Variants in SOX6 observed in about 807,000 individuals in gnomAD.
SOX6 encodes the protein SRY-box transcription factor 6.
SOX6 carries 11 observed loss-of-function variants against 97.8 expected under a neutral mutation model. The observed-to-expected ratio is 0.11, with a 90% CI of 0.07 to 0.19. The LOEUF is 0.19. Ranked by LOEUF, SOX6 falls within the 10% of genes least tolerant of loss-of-function variation. The pLI is 1.00. For synonymous variants in SOX6, 360 were observed against 371.4 expected, an observed-to-expected ratio of 0.97 and a Z score of 0.35; for missense variants, 810 against 1,039.5, an observed-to-expected ratio of 0.78 and a Z score of 3.04.
intron 4 of SOX6, among the ~76,000 whole-genome samples, chr11:16,560,782 TAAGA>T (rs1847806809): frequency 6.6e-6 from 1 of 152,054 alleles, no homozygotes; most frequent in Admixed American, 6.6e-5. Context: ...GGAAGGAAGG[TAAGA>T]AAGAAGGAAG....
chr11:15,977,053 C>T (rs767435455), intron 15 of SOX6, among the ~76,000 whole-genome samples: 4 of 152,068 alleles, frequency 2.6e-5, no homozygotes, highest in African/African-American at 9.7e-5. Context: ...TCCTAAAAAT[C>T]TCATCTTTGA....
intron 1 of SOX6, among the ~76,000 whole-genome samples, chr11:16,440,493 T>C (rs1859483387): frequency 2.0e-5 from 3 of 152,158 alleles, no homozygotes. Flanking sequence ...ACTATCTTCA[T>C]TTCATTTTAT....
intron 7 of SOX6, among the ~76,000 whole-genome samples, chr11:16,103,823 G>C (rs971551057): frequency 1.3e-5 from 2 of 151,612 alleles, no homozygotes; most frequent in African/African-American, 4.8e-5. Flanking sequence ...GTTCAGCTAT[G>C]AGGAATGCAA....
chr11:16,362,321 A>G (rs1857229670), intron 1 of SOX6, among the ~76,000 whole-genome samples: 1 of 152,180 alleles, frequency 6.6e-6, no homozygotes, highest in Non-Finnish European at 1.5e-5. Context: ...ACTAAGGGAT[A>G]CAAGCAATAA....
intron 13 of SOX6, among the ~76,000 whole-genome samples, chr11:16,004,225 T>C (rs1477779068): frequency 6.6e-6 from 1 of 151,940 alleles, no homozygotes; most frequent in East Asian, 1.9e-4. Context: ...GAGGAAACTT[T>C]CAGGTTTAGA....
At chr11:16,045,493 A>G (rs1315245748) in intron 12 of SOX6, among the ~76,000 whole-genome samples, 2 of 152,182 alleles carry the variant, frequency 1.3e-5, no homozygotes, top group African/African-American at 4.8e-5. Context: ...GATCATGTCA[A>G]TGTCCTGGAC....
chr11:16,323,806 T>C (rs571551853), intron 2 of SOX6, among the ~76,000 whole-genome samples: 21 of 152,140 alleles, frequency 1.4e-4, no homozygotes, highest in Non-Finnish European at 2.5e-4. Context: ...GACTTCATGC[T>C]TCTTCCATAG....
intron 3 of SOX6, among the ~76,000 whole-genome samples, chr11:16,644,413 G>T (rs1208189761): frequency 1.3e-5 from 2 of 152,148 alleles, no homozygotes; most frequent in Non-Finnish European, 2.9e-5. Context: ...TGAAAATTTA[G>T]TCTTTGGTGA....
chr11:16,304,985 G>A (rs750657434), intron 3 of SOX6, among the ~76,000 whole-genome samples: 44 of 151,672 alleles, frequency 2.9e-4, no homozygotes, highest in South Asian at 1.0e-3. Flanking sequence ...AAAAAAAGGA[G>A]AAAATATTTA....
intron 6 of SOX6, among the ~76,000 whole-genome samples, chr11:16,180,313 C>T (rs1039771890): frequency 5.9e-5 from 9 of 151,582 alleles, no homozygotes; most frequent in African/African-American, 2.2e-4. Flanking sequence ...AGCTAAGATA[C>T]TACAGTTCAA....
At chr11:16,020,060 C>A (rs1444266523) in intron 12 of SOX6, among the ~76,000 whole-genome samples, 6 of 152,218 alleles carry the variant, frequency 3.9e-5, no homozygotes, top group African/African-American at 1.4e-4. Context: ...CAGGAAAACT[C>A]TTTCCTAAAC....
intron 3 of SOX6, among the ~76,000 whole-genome samples, chr11:16,291,229 TTA>T (rs10529279): frequency 6.7e-4 from 96 of 143,442 alleles, no homozygotes; most frequent in African/African-American, 2.5e-3. Flanking sequence ...TTCTATAAAT[TTA>T]TATATATATA....
At chr11:16,446,620 A>G (rs1002280578) in intron 1 of SOX6, among the ~76,000 whole-genome samples, 4 of 152,102 alleles carry the variant, frequency 2.6e-5, no homozygotes, top group Non-Finnish European at 5.9e-5. Context: ...CTTCAAAACC[A>G]GGCGTGATGG....
At chr11:16,345,002 T>C (rs1454983598) in intron 1 of SOX6, among the ~76,000 whole-genome samples, 1 of 152,016 alleles carries the variant, frequency 6.6e-6, no homozygotes, top group African/African-American at 2.4e-5. Flanking sequence ...CCAGCCAAAC[T>C]GCTGAAGCAT....
At chr11:16,183,767 G>T in intron 6 of SOX6, 119 bp downstream of exon 6, 1 of 834,916 alleles carries the variant, frequency 1.2e-6, no homozygotes, top group Non-Finnish European at 2.0e-6. Flanking sequence ...CAACATCCTT[G>T]AAAACAGCCT....
At chr11:16,528,036 A>T (rs905255596) in intron 4 of SOX6, among the ~76,000 whole-genome samples, 8 of 152,106 alleles carry the variant, frequency 5.3e-5, no homozygotes, top group Non-Finnish European at 1.2e-4. Flanking sequence ...TCTCTGCTCA[A>T]GGCTGTGAGT....
At chr11:16,493,494 G>A (rs188687763) in intron 4 of SOX6, among the ~76,000 whole-genome samples, 2 of 152,112 alleles carry the variant, frequency 1.3e-5, no homozygotes, top group Admixed American at 6.6e-5. Flanking sequence ...AGGAGGAAGG[G>A]GAGTAGTGGT....
chr11:16,626,215 T>C (rs930389175), intron 3 of SOX6, among the ~76,000 whole-genome samples: 16 of 152,184 alleles, frequency 1.1e-4, no homozygotes, highest in African/African-American at 3.6e-4. Context: ...AGAGTAGACA[T>C]AGAGTAGTGA....
chr11:16,614,561 A>AT (rs1238466487), intron 3 of SOX6, among the ~76,000 whole-genome samples: 6 of 152,290 alleles, frequency 3.9e-5, no homozygotes, highest in Middle Eastern at 6.8e-3. Flanking sequence ...TCCTACCCCT[A>AT]TGGAAGCCTT....
Sources: gnomAD v4.1 joint callset for allele counts (sites outside exome capture counted in the v4.1 genomes callset) on GRCh38, gnomAD v4.1.1 for gene constraint, MANE v1.5 for transcripts, NCBI Gene and HGNC (gene_info 2026-07-23, HGNC 2026-07-21) for gene names.